SLC39A12: variants seen among roughly 807,000 people sequenced by gnomAD.
The protein encoded by SLC39A12 is solute carrier family 39 member 12, also known as zinc transporter ZIP12.
A neutral mutation model predicts 71.1 loss-of-function variants in SLC39A12; 63 were observed. The ratio of observed to expected loss-of-function variants is 0.89; its 90% confidence interval spans 0.72 to 1.09. The LOEUF (loss-of-function observed/expected upper bound fraction) is 1.09, where lower values mean the gene tolerates loss of function less well. SLC39A12 is among the 50% of genes least tolerant of loss of function. SLC39A12 has a pLI of 0.00. For synonymous variants in SLC39A12, 351 were observed against 301.3 expected, an observed-to-expected ratio of 1.16 and a Z score of -1.71; for missense variants, 892 against 812.6, an observed-to-expected ratio of 1.10 and a Z score of -1.19.
intron 12 of SLC39A12, among the ~76,000 whole-genome samples, chr10:18,040,717 C>T (rs896955753): frequency 6.8e-6 from 1 of 146,330 alleles, no homozygotes; most frequent in Non-Finnish European, 1.5e-5. Context: ...TGCAGTGAGC[C>T]GAGATCATGC....
At position 18,031,107 on chromosome 10, in the gene SLC39A12, T is replaced by C. The variant is rs1267950354; in HGVS notation, c.1948-11598T>C. 6.9e-3 allele frequency among the ~76,000 whole-genome samples: 1,020 copies of C among 146,998 alleles called. 10 individuals are homozygous for C. Among genetic ancestry groups the C allele is most frequent in the African/African-American group, 0.023 (946 of 40,346 alleles). On this transcript the variant is annotated intron_variant, in intron 12 of 12. Coordinates refer to ENST00000377369, the MANE Select transcript of SLC39A12 (RefSeq NM_001145195.2). Reference sequence around the variant, plus strand: ...ATTGTGAATAATGCCGCAATAAACATACGTGTGCATGTGTCTTTATAGCAG... The same window carrying C: ...ATTGTGAATAATGCCGCAATAAACACACGTGTGCATGTGTCTTTATAGCAG...
At chr10:18,036,756 A>G (rs1172539840) in intron 12 of SLC39A12, among the ~76,000 whole-genome samples, 1 of 5,556 alleles carries the variant, frequency 1.8e-4, no homozygotes, top group South Asian at 3.3e-3. Flanking sequence ...TTATATATAT[A>G]TATATATATA....
intron 12 of SLC39A12, chr10:18,005,767 T>G (rs1291841796): frequency 6.6e-6 from 1 of 152,158 alleles, no homozygotes; most frequent in Non-Finnish European, 1.5e-5. Context: ...ACTGATATCC[T>G]GTGAGATTCC....
intron 12 of SLC39A12, among the ~76,000 whole-genome samples, chr10:18,041,791 G>T (rs796507431): frequency 1.6e-5 from 2 of 128,886 alleles, no homozygotes; most frequent in African/African-American, 5.3e-5. Flanking sequence ...ATACATATGT[G>T]TCTATATGTA....
At chr10:18,029,262 C>T (rs1232092954) in intron 12 of SLC39A12, among the ~76,000 whole-genome samples, 3 of 152,188 alleles carry the variant, frequency 2.0e-5, no homozygotes, top group African/African-American at 7.2e-5. Context: ...GGTAACAGAA[C>T]TTGCGAGGAC....
At chr10:17,952,932 G>A (rs1834441473) in intron 1 of SLC39A12, among the ~76,000 whole-genome samples, 1 of 152,196 alleles carries the variant, frequency 6.6e-6, no homozygotes, top group Non-Finnish European at 1.5e-5. Context: ...TGTACCACCT[G>A]TTGGTAAATG....
intron 7 of SLC39A12, 74 bp downstream of exon 7, chr10:17,987,725 G>C (rs1835438628): frequency 6.6e-7 from 1 of 1,507,342 alleles, no homozygotes; most frequent in Non-Finnish European, 9.0e-7. Context: ...AGGTATTTAT[G>C]CAAAATTTTA....
chr10:17,990,642 G>C (rs1835519007), intron 7 of SLC39A12, among the ~76,000 whole-genome samples: 2 of 152,066 alleles, frequency 1.3e-5, no homozygotes, highest in Non-Finnish European at 2.9e-5. Flanking sequence ...CAGTCATACA[G>C]TATGCTCCCA....
chr10:17,974,729 C>G (rs1334906377), intron 4 of SLC39A12, among the ~76,000 whole-genome samples: 2 of 152,164 alleles, frequency 1.3e-5, no homozygotes, highest in East Asian at 3.9e-4. Context: ...GAAGCCAGCA[C>G]AGCACTGGGT....
At chr10:17,999,290 A>G (rs1363800205) in intron 10 of SLC39A12, among the ~76,000 whole-genome samples, 1 of 83,536 alleles carries the variant, frequency 1.2e-5, no homozygotes, top group East Asian at 3.0e-4. Flanking sequence ...GCAGGACTCC[A>G]TCTCAAAAAA....
rs566384870 is a variant in SLC39A12 at position 17,985,988 on chromosome 10, A to G, written c.1097-1491A>G. On this transcript the variant is annotated intron_variant, in intron 6 of 12. Transcript: ENST00000377369. ...ACCAATAACAACACTCATTTTAGTC[A>G]CTGAAAATAATATCACCCTGGACAT... is the stretch of plus-strand genomic sequence containing the variant. 2.6e-5 allele frequency among the ~76,000 whole-genome samples: 4 copies of G among 152,294 alleles called. No individual in the cohort carries two copies. In the East Asian group the frequency reaches 7.7e-4, roughly 29 times the overall value.
intron 8 of SLC39A12, among the ~76,000 whole-genome samples, chr10:17,992,070 C>G (rs1835563438): frequency 9.1e-6 from 1 of 109,364 alleles, no homozygotes; most frequent in African/African-American, 3.7e-5. Context: ...GCCTGGGTGA[C>G]AGAGCGAGAC....
chr10:18,022,753 G>T (rs1028256571), intron 12 of SLC39A12, among the ~76,000 whole-genome samples: 4 of 152,168 alleles, frequency 2.6e-5, no homozygotes. Context: ...TTTCACATCT[G>T]TGTGGGCTGA....
chr10:18,041,232 T>TA (rs1837216185), intron 12 of SLC39A12, among the ~76,000 whole-genome samples: 1 of 152,078 alleles, frequency 6.6e-6, no homozygotes, highest in African/African-American at 2.4e-5. Context: ...TAAATGGTGT[T>TA]AGGCCATTTC....
At chr10:18,016,025 A>G (rs1293494594) in intron 12 of SLC39A12, among the ~76,000 whole-genome samples, 1 of 152,160 alleles carries the variant, frequency 6.6e-6, no homozygotes, top group African/African-American at 2.4e-5. Context: ...GTTACAATTC[A>G]CAAACATACC....
intron 5 of SLC39A12, 122 bp from the exon 6 acceptor site, chr10:17,981,189 AC>A: frequency 1.3e-6 from 1 of 752,916 alleles, no homozygotes; most frequent in South Asian, 3.1e-5. Flanking sequence ...CACGTGTCGT[AC>A]CGGCTTCATG....
rs1438329291 is a variant in SLC39A12, at chr10:18,041,560, A to G, written c.1948-1145A>G. Among the ~76,000 whole-genome samples the G allele has an allele frequency of 2.9e-5, 4 of 139,212 alleles. 1 individual carries two copies. Among genetic ancestry groups the G allele is most frequent in the Non-Finnish European group, 6.2e-5 (4 of 64,078 alleles). The allele number at this position is 139,212 out of a possible 152,430, so 91.3% of individuals were successfully genotyped here. On this transcript the variant is annotated intron_variant, in intron 12 of 12. Coordinates refer to ENST00000377369, the MANE Select transcript of SLC39A12 (RefSeq NM_001145195.2). ...TACACACACACACACACACACACGC[A>G]CACATACACACACACATACATACAC...
chr10:17,996,518 G>A (rs1387296885), intron 10 of SLC39A12, among the ~76,000 whole-genome samples: 3 of 152,132 alleles, frequency 2.0e-5, no homozygotes, highest in Non-Finnish European at 4.4e-5. Flanking sequence ...TAGCTAACAC[G>A]TATTGAACAC....
At chr10:17,956,949 A>G (rs991868148) in intron 2 of SLC39A12, among the ~76,000 whole-genome samples, 4 of 152,200 alleles carry the variant, frequency 2.6e-5, no homozygotes, top group South Asian at 4.1e-4. Flanking sequence ...GCTCTTTGTC[A>G]GGAAAAAAAC....
Sources: allele counts gnomAD v4.1 joint callset (sites outside exome capture counted in the v4.1 genomes callset), GRCh38; gene constraint gnomAD v4.1.1; transcripts MANE v1.5; gene names NCBI Gene and HGNC (gene_info 2026-07-23, HGNC 2026-07-21).